Variants in ZFPM2 observed in about 807,000 individuals in gnomAD.
The protein encoded by ZFPM2 is zinc finger protein, FOG family member 2.
A neutral mutation model predicts 98.6 loss-of-function variants in ZFPM2; 20 were observed. That is an observed-to-expected ratio of 0.20 (90% CI 0.14 to 0.29). The LOEUF (loss-of-function observed/expected upper bound fraction) is 0.29. Among genes scored for constraint, ZFPM2 ranks in the 10% least tolerant of loss-of-function variants. ZFPM2 has a pLI of 1.00. For missense variants in ZFPM2, 1,310 were observed against 1,388.6 expected, an observed-to-expected ratio of 0.94 and a Z score of 0.90; for synonymous variants, 518 against 502.7, an observed-to-expected ratio of 1.03 and a Z score of -0.41.
chr8:105,659,316 A>G (rs1817345468), intron 5 of ZFPM2, among the ~76,000 whole-genome samples: 2 of 152,226 alleles, frequency 1.3e-5, no homozygotes, highest in African/African-American at 2.4e-5. Flanking sequence ...GTGAACAGCA[A>G]TTGGCTGTTA....
At chr8:105,736,988 T>C (rs6999494) in intron 5 of ZFPM2, among the ~76,000 whole-genome samples, 66,600 of 151,722 alleles carry the variant, frequency 0.44, 15,682 homozygotes, top group African/African-American at 0.61. Context: ...AGATTTTTTT[T>C]CACACAAAAT....
chr8:105,387,465 C>T (rs891411895), intron 1 of ZFPM2: 1 of 153,772 alleles, frequency 6.5e-6, no homozygotes, highest in African/African-American at 2.4e-5. Flanking sequence ...AGGTCCCAAG[C>T]CCTGCCCCGC....
intron 3 of ZFPM2, among the ~76,000 whole-genome samples, chr8:105,457,656 A>G (rs962669121): frequency 1.3e-5 from 2 of 152,204 alleles, no homozygotes; most frequent in Non-Finnish European, 2.9e-5. Flanking sequence ...CATTGGACCC[A>G]CTTTAAGTTG....
At chr8:105,555,607 G>A (rs112351084) in intron 3 of ZFPM2, among the ~76,000 whole-genome samples, 1 of 152,204 alleles carries the variant, frequency 6.6e-6, no homozygotes, top group African/African-American at 2.4e-5. Flanking sequence ...AATTATTAAA[G>A]AAATTTGTAG....
rs557485690 is a variant in ZFPM2, at chr8:105,700,844, G to A, written c.532+66487G>A. ...CTCCTGACCTCATGATCCAGCCACCGCCTCCCAAAGCGCTGGGATTACAGG... is the reference window on the plus strand; with the variant it reads ...CTCCTGACCTCATGATCCAGCCACCACCTCCCAAAGCGCTGGGATTACAGG... On this transcript the variant is annotated intron_variant, in intron 5 of 7. Transcript: ENST00000407775. Among the ~76,000 whole-genome samples, 9 of 152,218 alleles carry A rather than the reference G, an allele frequency of 5.9e-5. No homozygotes were observed. The South Asian group carries it at 6.2e-4, about 11-fold the overall frequency.
chr8:105,696,112 A>T (rs1173918329), intron 5 of ZFPM2, among the ~76,000 whole-genome samples: 2 of 152,160 alleles, frequency 1.3e-5, no homozygotes, highest in African/African-American at 4.8e-5. Context: ...GCACACATGG[A>T]TCTACCTTAT....
chr8:105,439,615 A>G (rs1812196032), intron 2 of ZFPM2, among the ~76,000 whole-genome samples: 1 of 152,192 alleles, frequency 6.6e-6, no homozygotes, highest in Non-Finnish European at 1.5e-5. Flanking sequence ...CTGTAAGACC[A>G]TGGATAAGTT....
intron 3 of ZFPM2, among the ~76,000 whole-genome samples, chr8:105,481,171 T>G (rs1813109589): frequency 6.6e-6 from 1 of 152,162 alleles, no homozygotes; most frequent in South Asian, 2.1e-4. Flanking sequence ...ACATCATACT[T>G]TCAGTGTAAG....
intron 5 of ZFPM2, 35 bp downstream of exon 5, chr8:105,634,392 G>GT: frequency 1.3e-6 from 2 of 1,543,870 alleles, no homozygotes; most frequent in East Asian, 4.6e-5. Flanking sequence ...CTCTTTGGAA[G>GT]TATTAAAACC....
intron 4 of ZFPM2, among the ~76,000 whole-genome samples, chr8:105,607,922 C>G (rs1404399775): frequency 1.3e-5 from 2 of 151,946 alleles, no homozygotes; most frequent in Non-Finnish European, 2.9e-5. Flanking sequence ...TTCACAATAC[C>G]AAATATACGG....
Position 105,754,795 on chromosome 8 carries a change from A to G in ZFPM2, c.533-33923A>G, listed in dbSNP as rs371353031. Among the ~76,000 whole-genome samples the G allele has an allele frequency of 2.6e-5, 4 of 152,230 alleles. No individual in the cohort carries two copies. In the East Asian group the frequency reaches 7.8e-4, roughly 30 times the overall value. On this transcript the variant is annotated intron_variant, in intron 5 of 7. Coordinates refer to ENST00000407775, the MANE Select transcript of ZFPM2 (RefSeq NM_012082.4). ...AACCAGGACATTATTTGTAAGCCCA[A>G]ACATGACGGTTGCAAAATTGGCCCA... is the stretch of plus-strand genomic sequence containing the variant.
chr8:105,798,142 A>T (rs1325951740), intron 6 of ZFPM2: 1 of 152,238 alleles, frequency 6.6e-6, no homozygotes, highest in Non-Finnish European at 1.5e-5. Flanking sequence ...TTTTCTAACC[A>T]TAAATACAAT....
intron 2 of ZFPM2, among the ~76,000 whole-genome samples, chr8:105,442,301 G>A (rs1274266146): frequency 1.3e-5 from 2 of 151,938 alleles, no homozygotes; most frequent in Admixed American, 1.3e-4. Context: ...CCGAGATCGC[G>A]CCACTGCACT....
At chr8:105,361,546 A>G (rs937213812) in intron 1 of ZFPM2, among the ~76,000 whole-genome samples, 30 of 152,016 alleles carry the variant, frequency 2.0e-4, no homozygotes, top group African/African-American at 7.2e-4. Context: ...GAGATCTTTA[A>G]CTTTTTGCCA....
At chr8:105,564,509 A>C (rs765675220) in intron 4 of ZFPM2, among the ~76,000 whole-genome samples, 13 of 152,126 alleles carry the variant, frequency 8.5e-5, no homozygotes, top group Non-Finnish European at 1.9e-4. Context: ...ACTACTGTAC[A>C]TCAAATTGGT....
intron 3 of ZFPM2, among the ~76,000 whole-genome samples, chr8:105,558,413 A>G (rs1479394384): frequency 6.6e-6 from 1 of 152,196 alleles, no homozygotes; most frequent in Non-Finnish European, 1.5e-5. Flanking sequence ...GTAAAGTTGA[A>G]AAGATTGACT....
At chr8:105,478,121 C>T (rs1214223370) in intron 3 of ZFPM2, among the ~76,000 whole-genome samples, 2 of 152,192 alleles carry the variant, frequency 1.3e-5, no homozygotes, top group African/African-American at 2.4e-5. Flanking sequence ...CCTCATTAGA[C>T]ATCTTCCATC....
chr8:105,623,940 T>C (rs868300312), intron 4 of ZFPM2, among the ~76,000 whole-genome samples: 4 of 152,194 alleles, frequency 2.6e-5, no homozygotes, highest in Admixed American at 1.3e-4. Flanking sequence ...TAGTAAAGCT[T>C]CCTTAAGTAA....
At chr8:105,529,408 T>C (rs1421557805) in intron 3 of ZFPM2, among the ~76,000 whole-genome samples, 2 of 152,170 alleles carry the variant, frequency 1.3e-5, no homozygotes, top group Middle Eastern at 3.2e-3. Context: ...CAAATATTAC[T>C]GTAATATACT....
Sources: allele counts gnomAD v4.1 joint callset (sites outside exome capture counted in the v4.1 genomes callset), GRCh38; gene constraint gnomAD v4.1.1; transcripts MANE v1.5; gene names NCBI Gene and HGNC (gene_info 2026-07-23, HGNC 2026-07-21).